SPEM3: variants seen among roughly 807,000 people sequenced by gnomAD.
SPEM3 encodes the protein SPEM family member 3.
Position 7,432,664 on chromosome 17 carries a change from G to A in SPEM3, c.3493G>A (p.Gly1165Ser). Residue 1165 changes from glycine (G) to serine (S), a missense_variant, in exon 3 of 3, where the codon GGC becomes AGC. Coordinates refer to ENST00000636696, the MANE Select transcript of SPEM3 (RefSeq NM_001364708.1). The surrounding 1 kb of genome is among the most constrained non-coding windows in gnomAD (Gnocchi z 4.1). ...FDARQRRLAV[G>S]KDKCEALSPR... ...TGCCCGTCAGAGACGGTTGGCAGTG[G>A]GCAAGGACAAGTGTGAAGCTCTGTC... 3 of 398,690 alleles carry A rather than the reference G, an allele frequency of 7.5e-6. No homozygotes were observed. The highest frequency in any genetic ancestry group is 1.3e-5 in the Non-Finnish European group (3 of 226,094). 24.7% of individuals were successfully genotyped at this position (398,690 alleles called of 1,614,324 possible). A position where few individuals can be genotyped will look rare whatever the true frequency, so the allele number is the denominator to read the frequency against.
Sources: gnomAD v4.1 joint callset for allele counts on GRCh38, gnomAD v4.1.1 for gene constraint, Gnocchi (gnomAD v3.1) non-coding constraint, MANE v1.5 for transcripts, NCBI Gene and HGNC (gene_info 2026-07-23, HGNC 2026-07-21) for gene names.